Variants in EPB41L4A observed in about 807,000 individuals in gnomAD.
The protein encoded by EPB41L4A is erythrocyte membrane protein band 4.1 like 4A.
Under a neutral mutation model 108.6 loss-of-function variants are expected in EPB41L4A, and 100 were observed. The observed-to-expected ratio is 0.92, with a 90% CI of 0.78 to 1.09. The LOEUF is 1.09. Ranked by LOEUF, EPB41L4A falls within the 50% of genes least tolerant of loss-of-function variation. EPB41L4A has a pLI of 0.00. For missense variants in EPB41L4A, 1,030 were observed against 842.7 expected (o/e 1.22, Z -2.75); for synonymous variants, 319 against 289.0 (o/e 1.10, Z -1.05).
At chr5:112,358,757 A>C (rs1485102260) in intron 1 of EPB41L4A, among the ~76,000 whole-genome samples, 1 of 152,238 alleles carries the variant, frequency 6.6e-6, no homozygotes, top group African/African-American at 2.4e-5. Flanking sequence ...ATATACAAGA[A>C]TGTTCAGGGC....
chr5:112,335,294 T>C (rs991532986), intron 1 of EPB41L4A, among the ~76,000 whole-genome samples: 1 of 152,206 alleles, frequency 6.6e-6, no homozygotes, highest in Non-Finnish European at 1.5e-5. Flanking sequence ...AGGACCCTCC[T>C]TCTTGAACAG....
Position 112,171,000 on chromosome 5 carries a change from T to G in EPB41L4A, c.1623-8A>C, listed in dbSNP as rs776164836. On this transcript the variant is annotated splice_region_variant and splice_polypyrimidine_tract_variant and intron_variant, in intron 18 of 22. Coordinates refer to ENST00000261486, the MANE Select transcript of EPB41L4A (RefSeq NM_022140.5). The stretch of plus-strand genomic sequence containing the variant: ...TGGATATCGGGGCTTCTCCTATAAA[T>G]AGAGAAAACAACATTCATCTCTGCA... 1 of 1,611,994 alleles carries G rather than the reference T, an allele frequency of 6.2e-7. No individual in the cohort carries two copies. Among genetic ancestry groups the G allele is most frequent in the South Asian group, 1.1e-5 (1 of 91,018 alleles).
In EPB41L4A at chr5:112,149,242, T is replaced by C. The variant is rs558748418; in HGVS notation, n.995-3244A>G. 1.8e-4 allele frequency among the ~76,000 whole-genome samples: 28 copies of C among 152,328 alleles called. No individual in the cohort carries two copies. The East Asian group carries it at 5.2e-3, about 28-fold the overall frequency. On this transcript the variant is annotated intron_variant and non_coding_transcript_variant, in intron 12 of 13. Transcript: ENST00000507810. Reference sequence around the variant, plus strand: ...CTGTAATCCCAGCACTTTGGGATGCTGAGACAGGAGGATCATTTGAGGTCA... The same window carrying C: ...CTGTAATCCCAGCACTTTGGGATGCCGAGACAGGAGGATCATTTGAGGTCA...
rs1761365257 is a variant in EPB41L4A, at chr5:112,185,166, G to GA, written c.1503-1032dup. On this transcript the variant is annotated intron_variant, in intron 17 of 22. Transcript: ENST00000261486. ...ACTTCTAATTTATGTAAGCTCTTCAGAAAACTGCTCCAGAGTGTTCATCTC... is the reference window on the plus strand; with the variant it reads ...ACTTCTAATTTATGTAAGCTCTTCAGAAAAACTGCTCCAGAGTGTTCATCTC... 2.7e-5 allele frequency among the ~76,000 whole-genome samples: 4 copies of GA among 150,484 alleles called. No homozygotes were observed. In the South Asian group the frequency reaches 8.3e-4, roughly 31 times the overall value.
At chr5:112,394,645 T>C (rs915177199) in intron 1 of EPB41L4A, among the ~76,000 whole-genome samples, 2 of 152,104 alleles carry the variant, frequency 1.3e-5, no homozygotes, top group Admixed American at 1.3e-4. Context: ...GAATCAATAT[T>C]GTGAAAATGG....
Position 112,200,865 on chromosome 5 carries a change from C to T in EPB41L4A, c.1376+3510G>A, listed in dbSNP as rs559317816. On this transcript the variant is annotated intron_variant, in intron 15 of 22. Coordinates refer to ENST00000261486, the MANE Select transcript of EPB41L4A (RefSeq NM_022140.5). Reference sequence around the variant, plus strand: ...TAAGGACCACTATTCTGGACTCGGCCAGAATTTGATAGCTTGTATCCACCT... The same window carrying T: ...TAAGGACCACTATTCTGGACTCGGCTAGAATTTGATAGCTTGTATCCACCT... 7.2e-5 allele frequency among the ~76,000 whole-genome samples: 11 copies of T among 152,248 alleles called. No homozygotes were observed. The East Asian group carries it at 1.9e-3, about 27-fold the overall frequency.
intron 1 of EPB41L4A, among the ~76,000 whole-genome samples, chr5:112,411,803 G>A (rs763079703): frequency 9.2e-5 from 14 of 152,166 alleles, no homozygotes; most frequent in Non-Finnish European, 2.9e-5. Flanking sequence ...CAGCGAGGAT[G>A]GCAGAGAAAA....
At chr5:112,152,378 A>C (rs533625297) in intron 12 of EPB41L4A, among the ~76,000 whole-genome samples, 1 of 152,310 alleles carries the variant, frequency 6.6e-6, no homozygotes, top group African/African-American at 2.4e-5. Flanking sequence ...CTATGGTCTG[A>C]ATGTTTATGT....
chr5:112,381,947 C>T (rs1177877108), intron 1 of EPB41L4A, among the ~76,000 whole-genome samples: 2 of 152,336 alleles, frequency 1.3e-5, no homozygotes, highest in East Asian at 1.9e-4. Context: ...ACTGCAGCCA[C>T]TCTAATTCTA....
chr5:112,335,972 T>C lies in EPB41L4A; in HGVS notation c.100-28482A>G, dbSNP rs375596362. Among the ~76,000 whole-genome samples the C allele has an allele frequency of 8.3e-4, 126 of 152,234 alleles. 1 individual carries two copies. Among genetic ancestry groups the C allele is most frequent in the African/African-American group, 3.0e-3 (124 of 41,548 alleles). ...CTAGAAACAGTACCGTCCCCCAGTC[T>C]TTTTTAATCCATCAGGCACCACCCT... is the stretch of plus-strand genomic sequence containing the variant. On this transcript the variant is annotated intron_variant, in intron 1 of 22. Transcript: ENST00000261486.
chr5:112,403,099 T>TC (rs1416203695), intron 1 of EPB41L4A, among the ~76,000 whole-genome samples: 2 of 152,078 alleles, frequency 1.3e-5, no homozygotes. Flanking sequence ...TCTAGTTTTT[T>TC]CACCCCCATT....
At chr5:112,416,798 C>G (rs1015745002) in intron 1 of EPB41L4A, among the ~76,000 whole-genome samples, 3 of 152,178 alleles carry the variant, frequency 2.0e-5, no homozygotes, top group African/African-American at 7.2e-5. Context: ...AGAACATAAA[C>G]ATGTTCATCC....
chr5:112,255,044 C>T (rs1021208770), intron 9 of EPB41L4A, among the ~76,000 whole-genome samples: 7 of 152,110 alleles, frequency 4.6e-5, no homozygotes, highest in Admixed American at 4.6e-4. Flanking sequence ...CCTTCCTGCT[C>T]CACATTGCTG....
At chr5:112,254,314 C>T (rs1273136095) in intron 9 of EPB41L4A, among the ~76,000 whole-genome samples, 1 of 152,100 alleles carries the variant, frequency 6.6e-6, no homozygotes, top group African/African-American at 2.4e-5. Context: ...ACAATTTAAC[C>T]TCCTAAATGC....
intron 12 of EPB41L4A, among the ~76,000 whole-genome samples, chr5:112,154,504 G>C (rs1379228571): frequency 2.0e-5 from 3 of 152,058 alleles, no homozygotes; most frequent in Non-Finnish European, 2.9e-5. Context: ...TAAAGAGATA[G>C]TTTTTTCTTC....
At chr5:112,245,137 T>C (rs2150394188) in intron 9 of EPB41L4A, among the ~76,000 whole-genome samples, 1 of 151,976 alleles carries the variant, frequency 6.6e-6, no homozygotes, top group East Asian at 1.9e-4. Flanking sequence ...CCTGTAATTC[T>C]AATTTTGCAG....
At chr5:112,304,982 G>A (rs1364893464) in intron 2 of EPB41L4A, among the ~76,000 whole-genome samples, 1 of 152,106 alleles carries the variant, frequency 6.6e-6, no homozygotes, top group Non-Finnish European at 1.5e-5. Context: ...TGAAAGCCTA[G>A]AAGATGGCTC....
At chr5:112,191,394 A>T (rs1761691597) in intron 17 of EPB41L4A, among the ~76,000 whole-genome samples, 1 of 152,236 alleles carries the variant, frequency 6.6e-6, no homozygotes, top group Admixed American at 6.5e-5. Flanking sequence ...AATTGAAACT[A>T]AACAACAATC....
chr5:112,166,585 C>T (rs912404445), intron 22 of EPB41L4A, among the ~76,000 whole-genome samples: 1 of 126,460 alleles, frequency 7.9e-6, no homozygotes, highest in Non-Finnish European at 1.7e-5. Flanking sequence ...GAGATGGCCT[C>T]TGACCACCCT....
Sources: gnomAD v4.1 joint callset for allele counts (sites outside exome capture counted in the v4.1 genomes callset) on GRCh38, gnomAD v4.1.1 for gene constraint, MANE v1.5 for transcripts, NCBI Gene and HGNC (gene_info 2026-07-23, HGNC 2026-07-21) for gene names.